APOB: variants seen among roughly 807,000 people sequenced by gnomAD.
APOB encodes apolipoprotein B, also known as apolipoprotein B-100.
APOB carries 153 observed loss-of-function variants against 314.1 expected under a neutral mutation model. The ratio of observed to expected loss-of-function variants is 0.49; its 90% CI spans 0.43 to 0.56. APOB has a LOEUF of 0.56. APOB is among the 20% of genes least tolerant of loss of function. The pLI is 0.00. For synonymous variants in APOB, 2,087 were observed against 2,036.4 expected (o/e 1.02, Z -0.67); for missense variants, 5,430 against 5,350.7 (o/e 1.01, Z -0.46).
rs761910048 is a variant in APOB at position 21,016,615 on chromosome 2, T to C, written c.3156A>G (p.Lys1052=). The C allele has an allele frequency of 6.2e-7, 1 of 1,611,628 alleles. No homozygotes were observed. The part of the protein sequence containing the change: ...AKQTEATMTF[K]YNRQSMTLSS... ...ACAAGGTCATACTCTGCCGATTATA[T>C]TTGAATGTCATGGTAGCCTCAGTCT... The change falls in exon 21 of 29, where the codon AAA becomes AAG. Residue 1052 remains lysine (K), a synonymous_variant. Coordinates refer to ENST00000233242, the MANE Select transcript of APOB (RefSeq NM_000384.3).
In APOB at chr2:21,014,433, GCTTT is replaced by G. The variant is rs746051959; in HGVS notation, c.3842+11_3842+14del. On this transcript the variant is annotated intron_variant, in intron 24 of 28. Transcript: ENST00000233242. ...TTTGCATGGTTCAAGAAGCCTTGCT[GCTTT>G]CTTCTTTTACCTTTTTAAGAAGAGG... 12 of 1,613,822 alleles carry G rather than the reference GCTTT, an allele frequency of 7.4e-6. No homozygotes were observed. The highest frequency in any genetic ancestry group is 1.0e-5 in the Non-Finnish European group (12 of 1,179,868).
At chr2:21,039,073 C>T (rs1664073898) in intron 4 of APOB, among the ~76,000 whole-genome samples, 3 of 152,148 alleles carry the variant, frequency 2.0e-5, no homozygotes, top group Admixed American at 6.5e-5. Flanking sequence ...TCCTTATGTG[C>T]CTATCTTCAC....
chr2:21,001,775 G>T lies in APOB; in HGVS notation c.13647C>A (p.Asn4549Lys), dbSNP rs374018447. The change falls in exon 29 of 29, where the codon AAC (asparagine) becomes AAA (lysine). Residue 4549 changes from asparagine (N) to lysine (K), a missense_variant. Physicochemically the swap from Asn to Lys is moderately conservative, Grantham distance 94. Transcript: ENST00000233242. ...CTCCTGGAGCAAGCTTCATGTAGGGGTTCATGACTGTGGTTGATTGCAGCT... is the reference window on the plus strand; with the variant it reads ...CTCCTGGAGCAAGCTTCATGTAGGGTTTCATGACTGTGGTTGATTGCAGCT... Reference protein sequence around the residue: ...LKKLQSTTVMNPYMKLAPGEL... With the variant: ...LKKLQSTTVMKPYMKLAPGEL... 1.2e-6 allele frequency: 2 copies of T among 1,614,000 alleles called. No homozygotes were observed. The highest frequency in any genetic ancestry group is 2.2e-5 in the East Asian group (1 of 44,880).
At position 21,008,606 on chromosome 2, in the gene APOB, A is replaced by T; in HGVS notation, c.8262T>A (p.Thr2754=). Residue 2754 remains threonine (T), a synonymous_variant, in exon 26 of 29, where the codon ACT becomes ACA. Transcript: ENST00000233242. ...TCAGAATACTGTATAGCTTGCCAAAAGTAGGTACTTCAATTGTGTGTGAGA... is the reference window on the plus strand; with the variant it reads ...TCAGAATACTGTATAGCTTGCCAAATGTAGGTACTTCAATTGTGTGTGAGA... ...PHISHTIEVP[T]FGKLYSILKI... The T allele has an allele frequency of 6.2e-7, 1 of 1,614,136 alleles. No individual in the cohort carries two copies. The highest frequency in any genetic ancestry group is 8.5e-7 in the Non-Finnish European group (1 of 1,179,992).
At chr2:21,019,190 GC>G in intron 19 of APOB, 77 bp from the exon 20 acceptor site, 2 of 1,573,592 alleles carry the variant, frequency 1.3e-6, no homozygotes, top group Non-Finnish European at 1.7e-6. Flanking sequence ...AAACAATTCA[GC>G]CTCAAATGCA....
rs1210751891 is a variant in APOB at position 21,006,490 on chromosome 2, A to C, written c.10378T>G (p.Phe3460Val). Residue 3460 changes from phenylalanine (F) to valine (V), a missense_variant, in exon 26 of 29, where the codon TTT becomes GTT. Physicochemically the swap from Phe to Val is conservative, Grantham distance 50. Coordinates refer to ENST00000233242, the MANE Select transcript of APOB (RefSeq NM_000384.3). ...ATTGAAGAATTGAAATCATACTTAAATTCCATGGAGGAAGAGACAGTAGGT... is the reference window on the plus strand; with the variant it reads ...ATTGAAGAATTGAAATCATACTTAACTTCCATGGAGGAAGAGACAGTAGGT... ...SKPTVSSSMEFKYDFNSSMLY... is the reference protein window; with the variant it reads ...SKPTVSSSMEVKYDFNSSMLY... 1 of 1,614,112 alleles carries C rather than the reference A, an allele frequency of 6.2e-7. No individual in the cohort carries two copies. Among genetic ancestry groups the C allele is most frequent in the Admixed American group, 1.7e-5 (1 of 60,028 alleles).
Position 21,007,648 on chromosome 2 carries a change from A to T in APOB, c.9220T>A (p.Tyr3074Asn). The change falls in exon 26 of 29, where the codon TAT (tyrosine) becomes AAT (asparagine). Residue 3074 changes from tyrosine (Y) to asparagine (N), a missense_variant. Transcript: ENST00000233242. Reference sequence around the variant, plus strand: ...GCACTGGGACTCAGAAACAGTGCATAGTTATTCAGGAAGTCTATCTTCCCT... The same window carrying T: ...GCACTGGGACTCAGAAACAGTGCATTGTTATTCAGGAAGTCTATCTTCCCT... ...LTGKIDFLNN[Y>N]ALFLSPSAQQ... The T allele has an allele frequency of 6.2e-7, 1 of 1,614,122 alleles. No individual in the cohort carries two copies. The highest frequency in any genetic ancestry group is 8.5e-7 in the Non-Finnish European group (1 of 1,179,972).
intron 5 of APOB, among the ~76,000 whole-genome samples, 178 bp from the exon 6 acceptor site, chr2:21,037,433 G>A (rs550600096): frequency 1.3e-5 from 2 of 152,196 alleles, no homozygotes; most frequent in East Asian, 3.9e-4. Context: ...GCCCAAGTTG[G>A]GAGAGAGAAA....
At chr2:21,035,781 T>C (rs752770352) in intron 6 of APOB, 73 bp from the exon 7 acceptor site, 2 of 1,500,292 alleles carry the variant, frequency 1.3e-6, no homozygotes, top group Non-Finnish European at 1.8e-6. Flanking sequence ...ACCTTCAAGG[T>C]AGAAGGGAGC....
rs769871675 is a variant in APOB, at chr2:21,002,085, C to G, written c.13337G>C (p.Arg4446Thr). The G allele has an allele frequency of 5.0e-6, 8 of 1,613,858 alleles. No individual in the cohort carries two copies. Among genetic ancestry groups the G allele is most frequent in the Non-Finnish European group, 6.8e-6 (8 of 1,179,996 alleles). ...GATGCTAAGATATTCCTGAATATTTCTGTGCAGAAATTGCTCAACTTGACT... is the reference window on the plus strand; with the variant it reads ...GATGCTAAGATATTCCTGAATATTTGTGTGCAGAAATTGCTCAACTTGACT... ...LSSQVEQFLH[R>T]NIQEYLSILT... The change falls in exon 29 of 29, where the codon AGA (arginine) becomes ACA (threonine). Residue 4446 changes from arginine to threonine, a missense_variant. Arg to Thr is a moderately conservative substitution (Grantham distance 71, BLOSUM62 -1). Around this residue, in one of 3 missense-constraint regions of APOB, gnomAD observed 3,281 missense variants for 3,171.0 expected, o/e 1.03. Coordinates refer to ENST00000233242, the MANE Select transcript of APOB (RefSeq NM_000384.3).
rs1663249792 is a variant in APOB, at chr2:21,009,641, A to G, written c.7227T>C (p.Phe2409=). ...DAVKKLNELS[F]KTFIEDVNKF... is the part of the protein sequence containing the mutation. ...TGTTAACATCTTCAATGAATGTTTTAAAAGATAATTCATTAAGCTTCTTGA... is the reference window on the plus strand; with the variant it reads ...TGTTAACATCTTCAATGAATGTTTTGAAAGATAATTCATTAAGCTTCTTGA... Residue 2409 remains phenylalanine, a synonymous_variant, in exon 26 of 29, where the codon TTT becomes TTC. Coordinates refer to ENST00000233242, the MANE Select transcript of APOB (RefSeq NM_000384.3). 6.2e-7 allele frequency: 1 copy of G among 1,613,500 alleles called. No individual in the cohort carries two copies. Among genetic ancestry groups the G allele is most frequent in the African/African-American group, 1.3e-5 (1 of 74,920 alleles).
intron 4 of APOB, among the ~76,000 whole-genome samples, chr2:21,040,083 G>C (rs1664094243): frequency 6.6e-6 from 1 of 152,166 alleles, no homozygotes; most frequent in Admixed American, 6.5e-5. Context: ...CGTGATTGCA[G>C]ATGGGTGTCG....
chr2:21,011,951 A>G lies in APOB; in HGVS notation c.4917T>C (p.Gly1639=). ...CAATCCTTAGTGTCGCCTTGTGAGC[A>G]CCACTATTAATTTTGTCAGTGCCTA... The part of the protein sequence containing the change: ...DILGTDKINS[G]AHKATLRIGQ... Residue 1639 remains glycine (G), a synonymous_variant, in exon 26 of 29, where the codon GGT becomes GGC. Transcript: ENST00000233242. 1.9e-6 allele frequency: 3 copies of G among 1,614,020 alleles called. No homozygotes were observed. The highest frequency in any genetic ancestry group is 2.7e-5 in the African/African-American group (2 of 75,024).
At position 21,003,163 on chromosome 2, in the gene APOB, T is replaced by G. The variant is rs764263862; in HGVS notation, c.12259A>C (p.Lys4087Gln). ...AGCCCTGTGTGTTCCCAGTGGTACT[T>G]GTTGACATAATCATAAAGGACCCCT... ...ATGVLYDYVN[K>Q]YHWEHTGLTL... The change falls in exon 29 of 29, where the codon AAG (lysine) becomes CAG (glutamine). Residue 4087 changes from lysine to glutamine, a missense_variant. This residue lies in a region of APOB where 3,281 missense variants were observed against 3,171.0 expected (regional missense o/e 1.03). Coordinates refer to ENST00000233242, the MANE Select transcript of APOB (RefSeq NM_000384.3). 1.2e-6 allele frequency: 2 copies of G among 1,613,988 alleles called. No individual in the cohort carries two copies. The highest frequency in any genetic ancestry group is 4.5e-5 in the East Asian group (2 of 44,872).
In APOB at chr2:21,043,895, C is replaced by T; in HGVS notation, c.51G>A (p.Leu17=). ...TGGCGCCCGCCAGCAGCAGCAGCAG[C>T]AGCGCAGGCAGCGCCAGCAGCGCCA... ...ALLALLALPA[L]LLLLLAGARA... Residue 17 remains leucine, a synonymous_variant, in exon 1 of 29, where the codon CTG becomes CTA. Coordinates refer to ENST00000233242, the MANE Select transcript of APOB (RefSeq NM_000384.3). 7.0e-7 allele frequency: 1 copy of T among 1,435,022 alleles called. No homozygotes were observed. 88.9% of individuals were successfully genotyped at this position (1,435,022 alleles called of 1,614,324 possible).
chr2:21,006,751 C>T lies in APOB; in HGVS notation c.10117G>A (p.Val3373Ile). The T allele has an allele frequency of 1.2e-6, 2 of 1,614,014 alleles. No homozygotes were observed. Among genetic ancestry groups the T allele is most frequent in the Admixed American group, 1.7e-5 (1 of 60,014 alleles). The stretch of plus-strand genomic sequence containing the variant: ...AATTTGTACTGCAGTGCATCAATGA[C>T]AGATGAAGATGAAGAAAGGAGATGA... ...VAHLLSSSSS[V>I]IDALQYKLEG... Residue 3373 changes from valine to isoleucine, a missense_variant, in exon 26 of 29, where the codon GTC becomes ATC. By Grantham distance (29) the Val-to-Ile change is conservative. This residue lies in a region of APOB where 3,281 missense variants were observed against 3,171.0 expected (regional missense o/e 1.03). Coordinates refer to ENST00000233242, the MANE Select transcript of APOB (RefSeq NM_000384.3).
Position 21,001,874 on chromosome 2 carries a change from T to A in APOB, c.13548A>T (p.Glu4516Asp). 6.2e-7 allele frequency: 1 copy of A among 1,614,078 alleles called. No homozygotes were observed. Among genetic ancestry groups the A allele is most frequent in the Non-Finnish European group, 8.5e-7 (1 of 1,179,970 alleles). Residue 4516 changes from glutamate (E) to aspartate (D), a missense_variant, in exon 29 of 29, where the codon GAA (glutamate) becomes GAT (aspartate). Transcript: ENST00000233242. ...LSDYYEKFIA[E>D]SKRLIDLSIQ... ...TGGACAGGTCAATCAATCTTTTGGA[T>A]TCAGCAATAAATTTTTCATAGTAAT...
In APOB at chr2:21,023,568, A is replaced by G. The variant is rs752989331; in HGVS notation, c.2561T>C (p.Ile854Thr). ...LQLQISSSGV[I>T]APGAKAGVKL... ...TACTCCAGCCTTGGCTCCGGGAGCA[A>G]TGACTCCAGATGAAGATATTTGCAA... is the stretch of plus-strand genomic sequence containing the variant. Residue 854 changes from isoleucine (I) to threonine (T), a missense_variant, in exon 17 of 29, where the codon ATT becomes ACT. Ile to Thr is a moderately conservative substitution (Grantham distance 89). Coordinates refer to ENST00000233242, the MANE Select transcript of APOB (RefSeq NM_000384.3). 8.7e-6 allele frequency: 14 copies of G among 1,614,070 alleles called. No homozygotes were observed. The African/African-American group carries it at 1.3e-4, about 15-fold the overall frequency.
At position 21,009,472 on chromosome 2, in the gene APOB, A is replaced by G. The variant is rs1383533461; in HGVS notation, c.7396T>C (p.Leu2466=). The change falls in exon 26 of 29, where the codon TTA becomes CTA. Residue 2466 remains leucine, a synonymous_variant. Transcript: ENST00000233242. ...TTGGTTTCCTCTAAAAACAGTTTTA[A>G]TGCTTCAGCTTTTTGTGGTAGTTCC... ...ALELPQKAEA[L]KLFLEETKAT... 2.5e-6 allele frequency: 4 copies of G among 1,613,954 alleles called. No individual in the cohort carries two copies. The highest frequency in any genetic ancestry group is 3.4e-6 in the Non-Finnish European group (4 of 1,179,982).
Sources: gnomAD v4.1 joint callset for allele counts (sites outside exome capture counted in the v4.1 genomes callset) on GRCh38, gnomAD v4.1.1 for gene constraint, gnomAD v4.1.1 regional missense constraint, MANE v1.5 for transcripts, NCBI Gene and HGNC (gene_info 2026-07-23, HGNC 2026-07-21) for gene names.